The following GABRA4 variants were observed in gnomAD, a reference collection of about 807,000 sequenced individuals.
GABRA4 encodes gamma-aminobutyric acid receptor subunit alpha-4.
GABRA4 carries 12 observed loss-of-function variants against 49.7 expected under a neutral mutation model. The observed-to-expected ratio is 0.24, with a 90% CI of 0.15 to 0.39. The LOEUF is 0.39. Among genes scored for constraint, GABRA4 ranks in the 10% least tolerant of loss-of-function variants. GABRA4 has a pLI of 1.00. For missense variants in GABRA4, 506 were observed against 686.0 expected, an observed-to-expected ratio of 0.74 and a Z score of 2.93; for synonymous variants, 288 against 240.2, an observed-to-expected ratio of 1.20 and a Z score of -1.84.
intron 8 of GABRA4, among the ~76,000 whole-genome samples, chr4:46,945,088 T>C (rs1721939089): frequency 6.6e-6 from 1 of 152,168 alleles, no homozygotes; most frequent in South Asian, 2.1e-4. Context: ...GGCAGAGCTA[T>C]AAAGTCAAAA....
intron 8 of GABRA4, among the ~76,000 whole-genome samples, chr4:46,938,019 GA>G (rs1284380801): frequency 6.6e-6 from 1 of 151,996 alleles, no homozygotes; most frequent in Non-Finnish European, 1.5e-5. Context: ...TTTAAATATT[GA>G]AAAATGTAAT....
rs1186887755 is a variant in GABRA4, at chr4:46,977,541, A to G, written c.363T>C (p.Asn121=). 1.2e-6 allele frequency: 2 copies of G among 1,612,958 alleles called. No homozygotes were observed. The highest frequency in any genetic ancestry group is 2.2e-5 in the East Asian group (1 of 44,790). The change falls in exon 4 of 9, where the codon AAT becomes AAC. Residue 121 remains asparagine, a synonymous_variant. Transcript: ENST00000264318. The part of the protein sequence containing the change: ...DGPIEILRLN[N]MMVTKVWTPD... The stretch of plus-strand genomic sequence containing the variant: ...GGGTCCACACTTTCGTTACCATCAT[A>G]TTGTTCAATCTCAAAATTTCAATGG...
intron 8 of GABRA4, among the ~76,000 whole-genome samples, chr4:46,928,984 C>T (rs1721337286): frequency 6.6e-6 from 1 of 151,910 alleles, no homozygotes; most frequent in Admixed American, 6.6e-5. Context: ...ATGGTACATT[C>T]TTATAAATAA....
At position 46,966,452 on chromosome 4, in the gene GABRA4, T is replaced by C. The variant is rs184991393; in HGVS notation, c.875-1223A>G. Among the ~76,000 whole-genome samples the C allele has an allele frequency of 6.6e-5, 10 of 151,872 alleles. 1 individual carries two copies. In the East Asian group the frequency reaches 1.9e-3, roughly 30 times the overall value. On this transcript the variant is annotated intron_variant, in intron 7 of 8. Coordinates refer to ENST00000264318, the MANE Select transcript of GABRA4 (RefSeq NM_000809.4). Reference sequence around the variant, plus strand: ...AGGTATTTTGATTTGGAGAAAATAATATTGTCTCCTCAATTCAGAATTTTG... The same window carrying C: ...AGGTATTTTGATTTGGAGAAAATAACATTGTCTCCTCAATTCAGAATTTTG...
chr4:46,928,868 T>A (rs1577740565), intron 8 of GABRA4, 113 bp from the exon 9 acceptor site: 2 of 692,794 alleles, frequency 2.9e-6, no homozygotes, highest in African/African-American at 3.6e-5. Context: ...TAAAACTTTA[T>A]TAATAAGCTG....
In GABRA4 at chr4:46,992,900, T is replaced by G. The variant is rs1185909061; in HGVS notation, c.133A>C (p.Thr45Pro). ...TCCAGGATGCGGGTGAAATTTTCTG[T>G]GCACAATTTCTCCTCCTTTTGGTTC... ...GQNQKEEKLC[T>P]ENFTRILDSL... The change falls in exon 2 of 9, where the codon ACA becomes CCA. Residue 45 changes from threonine to proline, a missense_variant. By Grantham distance (38) the Thr-to-Pro change is conservative. This residue lies in a region of GABRA4 where 195 missense variants were observed against 326.0 expected (regional missense o/e 0.60). Transcript: ENST00000264318. The G allele has an allele frequency of 1.9e-6, 3 of 1,612,904 alleles. No individual in the cohort carries two copies. The South Asian group carries it at 3.3e-5, about 18-fold the overall frequency.
Position 46,923,485 on chromosome 4 carries a change from G to T in GABRA4, c.*4740C>A, listed in dbSNP as rs754162535. 9.9e-5 allele frequency: 15 copies of T among 151,900 alleles called. No individual in the cohort carries two copies. The highest frequency in any genetic ancestry group is 2.1e-4 in the South Asian group (1 of 4,822). 9.4% of individuals were successfully genotyped at this position (151,900 alleles called of 1,614,324 possible). A position where few individuals can be genotyped will look rare whatever the true frequency, so the allele number is the denominator to read the frequency against. ...AATACAAAATATTTCTGATTTCTGG[G>T]TGGTAGAATTTTGAGATTGTTTTTA... On this transcript the variant is annotated 3_prime_UTR_variant, in exon 9 of 9. Coordinates refer to ENST00000264318, the MANE Select transcript of GABRA4 (RefSeq NM_000809.4).
At chr4:46,947,958 C>T (rs1223561187) in intron 8 of GABRA4, among the ~76,000 whole-genome samples, 1 of 152,050 alleles carries the variant, frequency 6.6e-6, no homozygotes, top group Non-Finnish European at 1.5e-5. Context: ...CAGAAGATGT[C>T]CTCACTCCCA....
chr4:46,981,272 A>G (rs1226082174), intron 2 of GABRA4, among the ~76,000 whole-genome samples: 3 of 152,066 alleles, frequency 2.0e-5, no homozygotes, highest in Non-Finnish European at 4.4e-5. Flanking sequence ...TAGGCCAATG[A>G]TATTTTTCTT....
rs1447463792 is a variant in GABRA4 at position 46,923,259 on chromosome 4, C to T, written c.*4966G>A. Reference sequence around the variant, plus strand: ...ACCTGGGATAAAAAGCTCTGACTCTCTAAATCTCTTGCTTTAAAGAAGCAC... The same window carrying T: ...ACCTGGGATAAAAAGCTCTGACTCTTTAAATCTCTTGCTTTAAAGAAGCAC... On this transcript the variant is annotated 3_prime_UTR_variant, in exon 9 of 9. Transcript: ENST00000264318. The T allele has an allele frequency of 6.6e-6, 1 of 152,056 alleles. No homozygotes were observed. Among genetic ancestry groups the T allele is most frequent in the Non-Finnish European group, 1.5e-5 (1 of 68,002 alleles). 9.4% of individuals were successfully genotyped at this position (152,056 alleles called of 1,614,324 possible). A position where few individuals can be genotyped will look rare whatever the true frequency, so the allele number is the denominator to read the frequency against.
At chr4:46,976,368 A>AG (rs1723139879) in intron 5 of GABRA4, among the ~76,000 whole-genome samples, 1 of 150,202 alleles carries the variant, frequency 6.7e-6, no homozygotes, top group South Asian at 2.1e-4. Flanking sequence ...AAAAAAAAAA[A>AG]AAAAAAAAAA....
intron 2 of GABRA4, among the ~76,000 whole-genome samples, chr4:46,982,109 A>G (rs1250982781): frequency 6.6e-6 from 1 of 152,138 alleles, no homozygotes; most frequent in Non-Finnish European, 1.5e-5. Context: ...ACATACTTAT[A>G]ATATATGCTA....
intron 8 of GABRA4, among the ~76,000 whole-genome samples, chr4:46,953,797 A>G (rs1055870555): frequency 3.9e-5 from 6 of 152,146 alleles, no homozygotes; most frequent in Admixed American, 6.5e-5. Flanking sequence ...AAACATTAAG[A>G]CAATCTTCAG....
In GABRA4 at chr4:46,920,110, T is replaced by C. The variant is rs1025651507; in HGVS notation, c.*8115A>G. The C allele has an allele frequency of 6.6e-6, 1 of 151,630 alleles. No homozygotes were observed. Among genetic ancestry groups the C allele is most frequent in the Non-Finnish European group, 1.5e-5 (1 of 67,638 alleles). 9.4% of individuals were successfully genotyped at this position (151,630 alleles called of 1,614,324 possible). Reference sequence around the variant, plus strand: ...AAATGTAGACTATAATTCACAAGTATAAAAGACTGAGAAAAAAATATGTCA... The same window carrying C: ...AAATGTAGACTATAATTCACAAGTACAAAAGACTGAGAAAAAAATATGTCA... On this transcript the variant is annotated 3_prime_UTR_variant, in exon 9 of 9. Coordinates refer to ENST00000264318, the MANE Select transcript of GABRA4 (RefSeq NM_000809.4).
intron 6 of GABRA4, among the ~76,000 whole-genome samples, chr4:46,973,235 T>G (rs984698229): frequency 1.3e-5 from 2 of 151,796 alleles, no homozygotes; most frequent in African/African-American, 2.4e-5. Context: ...AAAGTTCAGA[T>G]GTTGAAACAT....
intron 8 of GABRA4, among the ~76,000 whole-genome samples, chr4:46,949,855 AT>A (rs1008882091): frequency 2.7e-4 from 41 of 152,094 alleles, no homozygotes; most frequent in African/African-American, 7.9e-4. Context: ...GGAGAGATTC[AT>A]TTTTTTTAAT....
chr4:46,930,864 C>T (rs1443483584), intron 8 of GABRA4, among the ~76,000 whole-genome samples: 3 of 150,724 alleles, frequency 2.0e-5, no homozygotes, highest in East Asian at 3.9e-4. Context: ...TTTGAAGAAA[C>T]TGGCCATTAG....
At chr4:46,956,633 A>G (rs1190641087) in intron 8 of GABRA4, among the ~76,000 whole-genome samples, 1 of 151,956 alleles carries the variant, frequency 6.6e-6, no homozygotes, top group Non-Finnish European at 1.5e-5. Context: ...TGTGACTCAG[A>G]ACGCTAAGAA....
chr4:46,948,318 T>C (rs1306380116), intron 8 of GABRA4, among the ~76,000 whole-genome samples: 2 of 152,074 alleles, frequency 1.3e-5, no homozygotes, highest in East Asian at 3.9e-4. Context: ...TTATCATAAA[T>C]AAAGAGATCC....
Sources: allele counts gnomAD v4.1 joint callset (sites outside exome capture counted in the v4.1 genomes callset), GRCh38; gene constraint gnomAD v4.1.1; regional missense constraint gnomAD v4.1.1; transcripts MANE v1.5; gene names NCBI Gene and HGNC (gene_info 2026-07-23, HGNC 2026-07-21).